The following SAMD9L variants were observed in gnomAD, a reference collection of about 807,000 sequenced individuals.
The protein encoded by SAMD9L is sterile alpha motif domain containing 9 like, also known as sterile alpha motif domain-containing protein 9-like.
Under a neutral mutation model 90.7 loss-of-function variants are expected in SAMD9L, and 68 were observed. The observed-to-expected ratio is 0.75, with a 90% confidence interval of 0.62 to 0.92. The LOEUF (loss-of-function observed/expected upper bound fraction) is 0.92, where lower values mean the gene tolerates loss of function less well. Among genes scored for constraint, SAMD9L ranks in the 40% least tolerant of loss-of-function variants. The pLI is 0.00. For synonymous variants in SAMD9L, 640 were observed against 630.1 expected, an observed-to-expected ratio of 1.02 and a Z score of -0.23; for missense variants, 1,604 against 1,824.3, an observed-to-expected ratio of 0.88 and a Z score of 2.20.
rs1792237914 is a variant in SAMD9L at position 93,133,440 on chromosome 7, A to G, written c.2532T>C (p.Asn844=). Reference sequence around the variant, plus strand: ...CTGCCAATTTTGCACTTTCATCTGGATTCCGGGATCTCATGCAGTTTAAGA... The same window carrying G: ...CTGCCAATTTTGCACTTTCATCTGGGTTCCGGGATCTCATGCAGTTTAAGA... ...VIILNCMRSR[N]PDESAKLADS... is the part of the protein sequence containing the mutation. Residue 844 remains asparagine (N), a synonymous_variant, in exon 5 of 5, where the codon AAT becomes AAC. Transcript: ENST00000318238. The G allele has an allele frequency of 6.2e-7, 1 of 1,613,232 alleles. No homozygotes were observed. The highest frequency in any genetic ancestry group is 1.1e-5 in the South Asian group (1 of 91,034).
Position 93,135,664 on chromosome 7 carries a change from T to G in SAMD9L, c.308A>C (p.Asn103Thr), listed in dbSNP as rs1435734254. The change falls in exon 5 of 5, where the codon AAT becomes ACT. Residue 103 changes from asparagine to threonine, a missense_variant. By Grantham distance (65) the Asn-to-Thr change is moderately conservative (BLOSUM62 0). Transcript: ENST00000318238. ...SKPSKTEHQK[N>T]PKHTKKEEEN... ...TTCTTCCTTTTTGGTGTGTTTTGGATTTTTCTGGTGTTCTGTTTTGGACGG... is the reference window on the plus strand; with the variant it reads ...TTCTTCCTTTTTGGTGTGTTTTGGAGTTTTCTGGTGTTCTGTTTTGGACGG... 3 of 1,613,922 alleles carry G rather than the reference T, an allele frequency of 1.9e-6. No homozygotes were observed. The highest frequency in any genetic ancestry group is 2.7e-5 in the African/African-American group (2 of 74,928).
rs1186995016 is a variant in SAMD9L, at chr7:93,130,658, G to GGTGT, written c.*558_*559insACAC. ...GCTGGGAGAAGGGCAAGGGGTACAA[G>GGTGT]GAGTGTGTGTGTGTGTGTGTGTGTG... On this transcript the variant is annotated 3_prime_UTR_variant, in exon 5 of 5. Coordinates refer to ENST00000318238, the MANE Select transcript of SAMD9L (RefSeq NM_152703.5). The GGTGT allele has an allele frequency of 7.6e-6, 1 of 131,288 alleles. No individual in the cohort carries two copies. Among genetic ancestry groups the GGTGT allele is most frequent in the Non-Finnish European group, 1.6e-5 (1 of 61,898 alleles). The allele number at this position is 131,288 out of a possible 1,614,324, so 8.1% of individuals were successfully genotyped here. A position where few individuals can be genotyped will look rare whatever the true frequency, so the allele number is the denominator to read the frequency against.
chr7:93,134,389 A>G lies in SAMD9L; in HGVS notation c.1583T>C (p.Leu528Pro). 1 of 1,612,502 alleles carries G rather than the reference A, an allele frequency of 6.2e-7. No individual in the cohort carries two copies. ...ATTTTCATCTGTGAGAAATAAAATT[A>G]GTTTCCTGACTTCTGAAGCTCTTTC... The part of the protein sequence containing the change: ...QRERASEVRK[L>P]ILFLTDENIM... Residue 528 changes from leucine to proline, a missense_variant, in exon 5 of 5, where the codon CTA (leucine) becomes CCA (proline). Physicochemically the swap from Leu to Pro is moderately conservative, Grantham distance 98. Around this residue, in one of 7 missense-constraint regions of SAMD9L, gnomAD observed 606 missense variants for 717.6 expected, o/e 0.84. Coordinates refer to ENST00000318238, the MANE Select transcript of SAMD9L (RefSeq NM_152703.5).
At chr7:93,137,756 T>C (rs1218998713) in intron 4 of SAMD9L, among the ~76,000 whole-genome samples, 6 of 105,686 alleles carry the variant, frequency 5.7e-5, no homozygotes, top group African/African-American at 2.3e-4. Flanking sequence ...TTTTTTTTTT[T>C]AATTTAATGT....
In SAMD9L at chr7:93,132,302, A is replaced by G. The variant is rs1199073260; in HGVS notation, c.3670T>C (p.Ser1224Pro). ...AAAAATTGCACCATATGTTTTTTGG[A>G]TAATTCATTTTCTTTGTGGAAAAAG... ...TPFFHKENEL[S>P]KKHMVQFLSG... is the part of the protein sequence containing the mutation. The change falls in exon 5 of 5, where the codon TCC becomes CCC. Residue 1224 changes from serine (S) to proline (P), a missense_variant. Ser to Pro is a moderately conservative substitution (Grantham distance 74). This residue lies in a region of SAMD9L where 302 missense variants were observed against 314.7 expected (regional missense o/e 0.96). Coordinates refer to ENST00000318238, the MANE Select transcript of SAMD9L (RefSeq NM_152703.5). The G allele has an allele frequency of 1.2e-6, 2 of 1,613,580 alleles. No homozygotes were observed. The highest frequency in any genetic ancestry group is 2.7e-5 in the African/African-American group (2 of 74,862).
At chr7:93,146,195 G>A (rs1296044120) in intron 2 of SAMD9L, among the ~76,000 whole-genome samples, 155 bp from the exon 3 acceptor site, 2 of 151,970 alleles carry the variant, frequency 1.3e-5, no homozygotes, top group Middle Eastern at 3.4e-3. Context: ...TGACCTCCTC[G>A]TTGCTTCCTG....
rs1172707033 is a variant in SAMD9L, at chr7:93,131,317, T to A, written c.4655A>T (p.Tyr1552Phe). Residue 1552 changes from tyrosine (Y) to phenylalanine (F), a missense_variant, in exon 5 of 5, where the codon TAT (tyrosine) becomes TTT (phenylalanine). Around this residue, in one of 7 missense-constraint regions of SAMD9L, gnomAD observed 282 missense variants for 329.6 expected, o/e 0.86. Transcript: ENST00000318238. ...EKIKIPVISVYSGPLRSGRNI... is the reference protein window; with the variant it reads ...EKIKIPVISVFSGPLRSGRNI... Reference sequence around the variant, plus strand: ...CCTACCACTTCTGAGTGGACCTGAATAAACAGATATTACTGGTATTTTTAT... The same window carrying A: ...CCTACCACTTCTGAGTGGACCTGAAAAAACAGATATTACTGGTATTTTTAT... 9 of 1,613,234 alleles carry A rather than the reference T, an allele frequency of 5.6e-6. No individual in the cohort carries two copies. Among genetic ancestry groups the A allele is most frequent in the Non-Finnish European group, 7.6e-6 (9 of 1,179,594 alleles).
Position 93,135,417 on chromosome 7 carries a change from AG to A in SAMD9L, c.554del (p.Pro185LeufsTer31). 6.2e-7 allele frequency: 1 copy of A among 1,614,102 alleles called. No homozygotes were observed. Among genetic ancestry groups the A allele is most frequent in the Non-Finnish European group, 8.5e-7 (1 of 1,179,968 alleles). On this transcript the variant is annotated frameshift_variant, in exon 5 of 5. Coordinates refer to ENST00000318238, the MANE Select transcript of SAMD9L (RefSeq NM_152703.5). LOFTEE classifies it low-confidence loss of function (END_TRUNC). ...CAATGAGATTGAGTGCTCCTGTTTC[AG>A]GTTGTAGAGTATAATGTTCTATGTA... ...HRYIEHYTLQPETGALNLIDP... is the reference protein window; with the variant it reads ...HRYIEHYTLQXETGALNLIDP...
rs765843759 is a variant in SAMD9L at position 93,132,502 on chromosome 7, T to C, written c.3470A>G (p.Glu1157Gly). ...NDLTHLLEAA[E>G]KASRAFKESQ... ...TTCTTTGAAAGCTCTTGAGGCTTTTTCCGCAGCTTCTAGGAGATGTGTTAG... is the reference window on the plus strand; with the variant it reads ...TTCTTTGAAAGCTCTTGAGGCTTTTCCCGCAGCTTCTAGGAGATGTGTTAG... Residue 1157 changes from glutamate (E) to glycine (G), a missense_variant, in exon 5 of 5, where the codon GAA becomes GGA. This residue lies in a region of SAMD9L where 302 missense variants were observed against 314.7 expected (regional missense o/e 0.96). Transcript: ENST00000318238. 1.2e-6 allele frequency: 2 copies of C among 1,613,950 alleles called. No homozygotes were observed. Among genetic ancestry groups the C allele is most frequent in the Non-Finnish European group, 1.7e-6 (2 of 1,179,854 alleles).
rs1188179242 is a variant in SAMD9L, at chr7:93,132,173, AC to A, written c.3798del (p.Arg1266SerfsTer13). 1 of 1,613,388 alleles carries A rather than the reference AC, an allele frequency of 6.2e-7. No homozygotes were observed. On this transcript the variant is annotated frameshift_variant, in exon 5 of 5. Transcript: ENST00000318238. LOFTEE classifies it high-confidence loss of function. Reference sequence around the variant, plus strand: ...ATATAATCAATAAAAAAGTCAAAGCACCTTTTCAGATCTGATTGTAAATTTT... The same window carrying A: ...ATATAATCAATAAAAAAGTCAAAGCACTTTTCAGATCTGATTGTAAATTTT... ...HLKNLQSDLK[R>X]CFDFFIDYMV...
At position 93,135,353 on chromosome 7, in the gene SAMD9L, T is replaced by A. The variant is rs1178075425; in HGVS notation, c.619A>T (p.Thr207Ser). The change falls in exon 5 of 5, where the codon ACA (threonine) becomes TCA (serine). Residue 207 changes from threonine (T) to serine (S), a missense_variant. By Grantham distance (58) the Thr-to-Ser change is moderately conservative (BLOSUM62 1). Coordinates refer to ENST00000318238, the MANE Select transcript of SAMD9L (RefSeq NM_152703.5). ...ATCTTAATGTCCACTTCCGTGGCTG[T>A]TTCTGTGTTTGTGAGAGCTTTGAAC... ...HEFKALTNTE[T>S]ATEVDIKMKF... The A allele has an allele frequency of 6.2e-7, 1 of 1,614,108 alleles. No individual in the cohort carries two copies. Among genetic ancestry groups the A allele is most frequent in the Non-Finnish European group, 8.5e-7 (1 of 1,179,982 alleles).
chr7:93,138,292 C>T (rs1354514706), intron 4 of SAMD9L, among the ~76,000 whole-genome samples: 1 of 152,160 alleles, frequency 6.6e-6, no homozygotes, highest in Non-Finnish European at 1.5e-5. Context: ...GTCATCTGTT[C>T]ATTCATTCTA....
chr7:93,147,247 A>G (rs1439593323), intron 1 of SAMD9L, 101 bp from the exon 2 acceptor site: 1 of 152,248 alleles, frequency 6.6e-6, no homozygotes, highest in African/African-American at 2.4e-5. Flanking sequence ...GTAACAATCA[A>G]AATGACCATG....
At position 93,134,915 on chromosome 7, in the gene SAMD9L, G is replaced by A; in HGVS notation, c.1057C>T (p.Leu353=). 6.2e-7 allele frequency: 1 copy of A among 1,613,908 alleles called. No homozygotes were observed. The highest frequency in any genetic ancestry group is 1.1e-5 in the South Asian group (1 of 91,070). The change falls in exon 5 of 5, where the codon CTG becomes TTG. Residue 353 remains leucine (L), a synonymous_variant. Coordinates refer to ENST00000318238, the MANE Select transcript of SAMD9L (RefSeq NM_152703.5). ...VREGASSRDI[L]ANSKQRDVDF... Reference sequence around the variant, plus strand: ...ACATCCCGTTGCTTGGAATTGGCCAGGATATCCCTAGAGCTAGCCCCTTCT... The same window carrying A: ...ACATCCCGTTGCTTGGAATTGGCCAAGATATCCCTAGAGCTAGCCCCTTCT...
At chr7:93,142,768 C>T (rs969196404) in intron 4 of SAMD9L, among the ~76,000 whole-genome samples, 11 of 152,224 alleles carry the variant, frequency 7.2e-5, no homozygotes, top group African/African-American at 2.4e-4. Context: ...GCAACAAACC[C>T]TCCTCTGGAG....
At position 93,133,121 on chromosome 7, in the gene SAMD9L, T is replaced by C. The variant is rs1203335062; in HGVS notation, c.2851A>G (p.Thr951Ala). 3 of 1,613,152 alleles carry C rather than the reference T, an allele frequency of 1.9e-6. No homozygotes were observed. Among genetic ancestry groups the C allele is most frequent in the Non-Finnish European group, 1.7e-6 (2 of 1,179,430 alleles). The change falls in exon 5 of 5, where the codon ACT (threonine) becomes GCT (alanine). Residue 951 changes from threonine to alanine, a missense_variant. Coordinates refer to ENST00000318238, the MANE Select transcript of SAMD9L (RefSeq NM_152703.5). ...QCEIFLGIIY[T>A]STPWEPESLE... ...CTTTCAGGTTCCCAGGGTGTACTAG[T>C]GTATATGATTCCCAAAAATATTTCA...
At chr7:93,145,358 A>T (rs1247690367) in intron 3 of SAMD9L, 27 bp downstream of exon 3, 2 of 152,252 alleles carry the variant, frequency 1.3e-5, no homozygotes, top group African/African-American at 4.8e-5. Context: ...AGTTGATTAA[A>T]CAAGACTTTA....
chr7:93,133,332 G>A lies in SAMD9L; in HGVS notation c.2640C>T (p.His880=), dbSNP rs878855336. 1 of 1,612,968 alleles carries A rather than the reference G, an allele frequency of 6.2e-7. No individual in the cohort carries two copies. ...GAKLKEIEKQ[H]KNCENFYSFM... is the part of the protein sequence containing the mutation. The stretch of plus-strand genomic sequence containing the variant: ...AGGAATAAAAGTTTTCACAGTTCTT[G>A]TGCTGCTTTTCAATTTCCTTCAGTT... The change falls in exon 5 of 5, where the codon CAC becomes CAT. Residue 880 remains histidine, a synonymous_variant. Coordinates refer to ENST00000318238, the MANE Select transcript of SAMD9L (RefSeq NM_152703.5).
At chr7:93,144,329 T>C (rs1296711884) in intron 4 of SAMD9L, among the ~76,000 whole-genome samples, 1 of 152,062 alleles carries the variant, frequency 6.6e-6, no homozygotes, top group African/African-American at 2.4e-5. Context: ...AGATTGAAAA[T>C]ATTTGAAAAA....
Sources: allele counts gnomAD v4.1 joint callset (sites outside exome capture counted in the v4.1 genomes callset), GRCh38; gene constraint gnomAD v4.1.1; regional missense constraint gnomAD v4.1.1; transcripts MANE v1.5; gene names NCBI Gene and HGNC (gene_info 2026-07-23, HGNC 2026-07-21).